Variants in C2orf76 observed in about 807,000 individuals in gnomAD.
C2orf76 encodes the protein chromosome 2 open reading frame 76.
In C2orf76, 23 loss-of-function variants were observed where a neutral mutation model predicts 16.9. The ratio of observed to expected loss-of-function variants is 1.36; its 90% CI spans 0.98 to 1.93. C2orf76 has a LOEUF of 1.93. C2orf76 is among the 30% of genes most tolerant of loss of function. C2orf76 has a pLI of 0.00. For synonymous variants in C2orf76, 48 were observed against 52.3 expected (o/e 0.92, Z 0.35); for missense variants, 152 against 152.6 (o/e 1.00, Z 0.02).
chr2:119,334,549 G>C (rs762475178), intron 2 of C2orf76, among the ~76,000 whole-genome samples: 9 of 151,666 alleles, frequency 5.9e-5, no homozygotes, highest in Non-Finnish European at 7.4e-5. Flanking sequence ...AATTAGCCAG[G>C]CATGGTGGCA....
intron 1 of C2orf76, among the ~76,000 whole-genome samples, chr2:119,361,388 T>C (rs1488578430): frequency 1.3e-5 from 2 of 152,268 alleles, no homozygotes; most frequent in Non-Finnish European, 2.9e-5. Flanking sequence ...TAGATATGTA[T>C]GTACAGTCAG....
At chr2:119,365,061 G>A (rs926104232) in intron 1 of C2orf76, among the ~76,000 whole-genome samples, 5 of 152,142 alleles carry the variant, frequency 3.3e-5, no homozygotes, top group African/African-American at 1.2e-4. Context: ...TACAGCCTAG[G>A]TAAAAGAGTG....
At chr2:119,335,897 T>C (rs1426587367) in intron 2 of C2orf76, among the ~76,000 whole-genome samples, 1 of 152,196 alleles carries the variant, frequency 6.6e-6, no homozygotes, top group Non-Finnish European at 1.5e-5. Flanking sequence ...CACAGTGTTC[T>C]TTTTCATAGT....
intron 1 of C2orf76, among the ~76,000 whole-genome samples, chr2:119,343,509 C>CAT (rs958566877): frequency 1.3e-5 from 2 of 150,984 alleles, no homozygotes; most frequent in Admixed American, 1.3e-4. Flanking sequence ...CACACACACA[C>CAT]ACACACTGGG....
the C2orf76 span, among the ~76,000 whole-genome samples, chr2:119,287,518 G>GT: frequency 0.23 from 33,979 of 148,338 alleles, 4,078 homozygotes; most frequent in Middle Eastern, 0.33. Context: ...CTAATAACAT[G>GT]TTTTTTTTTT....
chr2:119,332,729 A>T (rs1019329607), intron 2 of C2orf76, among the ~76,000 whole-genome samples: 1 of 152,096 alleles, frequency 6.6e-6, no homozygotes, highest in South Asian at 2.1e-4. Context: ...TGATAAAAAT[A>T]GTTTTGTTTT....
intron 5 of C2orf76, among the ~76,000 whole-genome samples, chr2:119,309,398 C>CTTTTTTTTTTTTTTTT (rs1193022536): frequency 2.0e-3 from 146 of 71,390 alleles, no homozygotes; most frequent in East Asian, 4.0e-3. Context: ...TTCTCTTTTT[C>CTTTTTTTTTTTTTTTT]TTTTTTTTTT....
intron 1 of C2orf76, among the ~76,000 whole-genome samples, chr2:119,363,221 G>A (rs1435814479): frequency 2.6e-5 from 4 of 151,972 alleles, no homozygotes; most frequent in Non-Finnish European, 5.9e-5. Flanking sequence ...TCAGGAGATC[G>A]AGACCAACCT....
At chr2:119,347,660 G>A (rs895169081) in intron 1 of C2orf76, among the ~76,000 whole-genome samples, 17 of 151,986 alleles carry the variant, frequency 1.1e-4, no homozygotes, top group African/African-American at 2.4e-4. Context: ...TCACTTAAGC[G>A]CAGGAGTTCA....
chr2:119,331,270 T>C (rs1679668999), intron 2 of C2orf76, among the ~76,000 whole-genome samples: 1 of 152,200 alleles, frequency 6.6e-6, no homozygotes, highest in Admixed American at 6.5e-5. Flanking sequence ...AGTCTACAGC[T>C]AATTTTGCTC....
rs549674675 is a variant in C2orf76 at position 119,308,301 on chromosome 2, A to G, written c.304+3321T>C. ...AATTTTGGCGTATGATCTTTTCTCC[A>G]TATACGCATAAACAATAATCTTACA... On this transcript the variant is annotated intron_variant, in intron 5 of 5. Transcript: ENST00000334816. Among the ~76,000 whole-genome samples the G allele has an allele frequency of 3.9e-5, 6 of 152,364 alleles. No homozygotes were observed. The South Asian group carries it at 1.2e-3, about 32-fold the overall frequency.
At chr2:119,295,591 T>C in the C2orf76 span, among the ~76,000 whole-genome samples, 3 of 152,164 alleles carry the variant, frequency 2.0e-5, no homozygotes, top group Non-Finnish European at 4.4e-5. Context: ...GTGACTGCTT[T>C]GATCGACCAG....
the C2orf76 span, among the ~76,000 whole-genome samples, chr2:119,290,177 C>A: frequency 6.6e-6 from 1 of 151,608 alleles, no homozygotes; most frequent in Non-Finnish European, 1.5e-5. Context: ...TAAAGGACAG[C>A]TTCCAAGCCC....
chr2:119,293,106 G>A, the C2orf76 span, among the ~76,000 whole-genome samples: 2 of 152,216 alleles, frequency 1.3e-5, no homozygotes, highest in Admixed American at 1.3e-4. Context: ...TCTCATCCCA[G>A]AAACATCCCT....
the C2orf76 span, among the ~76,000 whole-genome samples, chr2:119,286,939 C>G: frequency 6.6e-6 from 1 of 152,124 alleles, no homozygotes; most frequent in Non-Finnish European, 1.5e-5. Context: ...CTTGCTCCAG[C>G]TATGGACTAG....
the C2orf76 span, among the ~76,000 whole-genome samples, chr2:119,289,597 A>G: frequency 6.6e-6 from 1 of 151,868 alleles, no homozygotes; most frequent in African/African-American, 2.4e-5. Flanking sequence ...GAGGCAGGAG[A>G]ATCGATTGAA....
chr2:119,327,623 C>T (rs1306325804), intron 2 of C2orf76, among the ~76,000 whole-genome samples: 1 of 152,096 alleles, frequency 6.6e-6, no homozygotes, highest in Non-Finnish European at 1.5e-5. Flanking sequence ...CCCTCTCTCT[C>T]TCTCTTGCTT....
chr2:119,353,017 G>A (rs1680451966), intron 1 of C2orf76, among the ~76,000 whole-genome samples: 1 of 152,124 alleles, frequency 6.6e-6, no homozygotes, highest in African/African-American at 2.4e-5. Flanking sequence ...AATTGGCAAA[G>A]GTGAGCAGAT....
At position 119,311,503 on chromosome 2, in the gene C2orf76, G is replaced by A. The variant is rs946367811; in HGVS notation, c.304+119C>T. ...TCCTCCTCTGAACAGTTACCGGGCA[G>A]TGTCAGGGGGACCAAGGACAGCATT... On this transcript the variant is annotated intron_variant, in intron 5 of 5. Transcript: ENST00000334816. The A allele has an allele frequency of 7.5e-6, 11 of 1,459,624 alleles. No homozygotes were observed. In the African/African-American group the frequency reaches 1.3e-4, roughly 17 times the overall value. 90.4% of individuals were successfully genotyped at this position (1,459,624 alleles called of 1,614,324 possible).
Sources: allele counts gnomAD v4.1 joint callset (sites outside exome capture counted in the v4.1 genomes callset), GRCh38; gene constraint gnomAD v4.1.1; transcripts MANE v1.5; gene names NCBI Gene and HGNC (gene_info 2026-07-23, HGNC 2026-07-21).